Variants in TTLL13 observed in about 807,000 individuals in gnomAD.
The protein encoded by TTLL13 is tubulin polyglutamylase TTLL13.
the TTLL13 span, chr15:90,264,601 A>T: frequency 8.6e-7 from 1 of 1,160,230 alleles, no homozygotes; most frequent in Non-Finnish European, 1.2e-6. Context: ...TGGGAAAGAC[A>T]GTGGAGGGAA....
At chr15:90,257,903 T>A in the TTLL13 span, 1 of 952,080 alleles carries the variant, frequency 1.1e-6, no homozygotes, top group Non-Finnish European at 1.6e-6. Context: ...CCCTGATAAC[T>A]AGTCCCTGCT....
chr15:90,256,480 C>T, the TTLL13 span, among the ~76,000 whole-genome samples: 1 of 152,170 alleles, frequency 6.6e-6, no homozygotes, highest in Admixed American at 6.5e-5. Flanking sequence ...TCTCAGTTTC[C>T]ACTTCCCAGA....
At chr15:90,259,153 T>C in the TTLL13 span, 4 of 969,782 alleles carry the variant, frequency 4.1e-6, no homozygotes, top group Non-Finnish European at 4.2e-6. Context: ...GCTTGAGCCC[T>C]AGAGTTCAAC....
chr15:90,256,345 G>C, the TTLL13 span: 3 of 1,610,970 alleles, frequency 1.9e-6, no homozygotes, highest in African/African-American at 2.7e-5. Context: ...CCCAGCACTG[G>C]GCTGCCTCAT....
chr15:90,256,385 C>T, the TTLL13 span: 14 of 1,541,854 alleles, frequency 9.1e-6, no homozygotes, highest in African/African-American at 1.9e-4. Context: ...GGAAGCTGGT[C>T]TTAGGCTTCT....
chr15:90,258,706 G>A, the TTLL13 span: 1 of 1,574,754 alleles, frequency 6.4e-7, no homozygotes, highest in Non-Finnish European at 8.7e-7. Flanking sequence ...TGCTCAGGTG[G>A]TCTGGGAAAG....
At chr15:90,254,826 A>T in the TTLL13 span, among the ~76,000 whole-genome samples, 2 of 152,174 alleles carry the variant, frequency 1.3e-5, no homozygotes, top group East Asian at 3.8e-4. Context: ...AGCCTGGGCG[A>T]CAGAGGGAGA....
At chr15:90,259,016 A>G in the TTLL13 span, 1 of 1,600,198 alleles carries the variant, frequency 6.2e-7, no homozygotes, top group Non-Finnish European at 8.5e-7. Flanking sequence ...CCTGGGGCTG[A>G]TTTGCTATCA....
chr15:90,262,092 A>G, the TTLL13 span: 1 of 1,536,090 alleles, frequency 6.5e-7, no homozygotes, highest in Non-Finnish European at 8.7e-7. Flanking sequence ...CGGCGGATCT[A>G]CCCTGGGCCT....
At chr15:90,258,070 A>C in the TTLL13 span, 6 of 1,614,174 alleles carry the variant, frequency 3.7e-6, no homozygotes, top group Non-Finnish European at 5.1e-6. Context: ...TGGCTGCAAG[A>C]GCACAGCTAC....
the TTLL13 span, among the ~76,000 whole-genome samples, chr15:90,251,131 T>TTTTTTTTTTA: frequency 1.4e-5 from 2 of 145,476 alleles, no homozygotes. Context: ...TTTTTTTTTT[T>TTTTTTTTTTA]GAGACAGAGT....
At chr15:90,264,680 T>C in the TTLL13 span, 2 of 1,528,690 alleles carry the variant, frequency 1.3e-6, no homozygotes, top group Non-Finnish European at 1.8e-6. Context: ...AAATCTCTTC[T>C]GTGAATACCA....
chr15:90,255,874 C>T, the TTLL13 span: 1 of 1,614,174 alleles, frequency 6.2e-7, no homozygotes, highest in African/African-American at 1.3e-5. Context: ...GCACCTGGTG[C>T]CTCCCCGCAG....
At chr15:90,263,968 G>C in the TTLL13 span, 2 of 1,535,984 alleles carry the variant, frequency 1.3e-6, no homozygotes, top group Admixed American at 2.0e-5. Flanking sequence ...CAACTGGACA[G>C]GAGAGCCGGC....
chr15:90,249,828 A>C, the TTLL13 span: 3 of 152,266 alleles, frequency 2.0e-5, no homozygotes, highest in Non-Finnish European at 2.9e-5. Context: ...CTCCACCGTC[A>C]CAGCCCAAAG....
the TTLL13 span, chr15:90,257,938 G>A: frequency 8.3e-7 from 1 of 1,198,482 alleles, no homozygotes; most frequent in Non-Finnish European, 1.2e-6. Context: ...GCCCTTCAAA[G>A]CCCGGGCATG....
the TTLL13 span, among the ~76,000 whole-genome samples, chr15:90,256,597 CTTTCTTTCT>C: frequency 4.0e-4 from 14 of 35,270 alleles, no homozygotes; most frequent in Admixed American, 2.9e-3. Flanking sequence ...TTCTTTCTTT[CTTTCTTTCT>C]TTCCTTCCTT....
the TTLL13 span, among the ~76,000 whole-genome samples, chr15:90,256,892 T>C: frequency 6.6e-6 from 1 of 152,018 alleles, no homozygotes; most frequent in Non-Finnish European, 1.5e-5. Context: ...TTCACCATCT[T>C]GGCCAGGCTG....
At chr15:90,257,649 A>G in the TTLL13 span, 1 of 1,614,192 alleles carries the variant, frequency 6.2e-7, no homozygotes, top group Non-Finnish European at 8.5e-7. Flanking sequence ...CAATGTCTGC[A>G]TGCACCTGAC....
Sources: gnomAD v4.1 joint callset for allele counts (sites outside exome capture counted in the v4.1 genomes callset) on GRCh38, gnomAD v4.1.1 for gene constraint, MANE v1.5 for transcripts, NCBI Gene and HGNC (gene_info 2026-07-23, HGNC 2026-07-21) for gene names.